Variants in C4BPB observed in about 807,000 individuals in gnomAD.
The protein encoded by C4BPB is C4b-binding protein beta chain.
In C4BPB, 19 loss-of-function variants were observed where a neutral mutation model predicts 26.6. That is an observed-to-expected ratio of 0.71 (90% CI 0.50 to 1.05). C4BPB has a LOEUF of 1.05. Among genes scored for constraint, C4BPB ranks in the 50% least tolerant of loss-of-function variants. C4BPB has a pLI of 0.00. For synonymous variants in C4BPB, 118 were observed against 103.5 expected, an observed-to-expected ratio of 1.14 and a Z score of -0.85; for missense variants, 282 against 302.9, an observed-to-expected ratio of 0.93 and a Z score of 0.51.
chr1:207,096,966 G>A (rs1050314644), intron 5 of C4BPB, among the ~76,000 whole-genome samples: 2 of 152,170 alleles, frequency 1.3e-5, no homozygotes, highest in Non-Finnish European at 2.9e-5. Context: ...GAGGCCAGGA[G>A]ATCAAGACCA....
At position 207,099,962 on chromosome 1, in the gene C4BPB, C is replaced by T; in HGVS notation, c.*33C>T. 1 of 1,566,898 alleles carries T rather than the reference C, an allele frequency of 6.4e-7. No homozygotes were observed. The highest frequency in any genetic ancestry group is 8.6e-7 in the Non-Finnish European group (1 of 1,158,674). On this transcript the variant is annotated 3_prime_UTR_variant, in exon 7 of 7. Coordinates refer to ENST00000367078, the MANE Select transcript of C4BPB (RefSeq NM_001017365.3). Reference sequence around the variant, plus strand: ...GCTGAGCAGATGTAATAGAAATAAACCTATGAATAAATTTTCTTCTTGGTT... The same window carrying T: ...GCTGAGCAGATGTAATAGAAATAAATCTATGAATAAATTTTCTTCTTGGTT...
At chr1:207,095,114 G>A in intron 4 of C4BPB, 1 of 348,300 alleles carries the variant, frequency 2.9e-6, no homozygotes, top group Non-Finnish European at 5.6e-6. Flanking sequence ...CATGTTTAGT[G>A]TCCTGTGGTC....
chr1:207,094,489 T>C lies in C4BPB; in HGVS notation c.410-2033T>C, dbSNP rs73079104. The stretch of plus-strand genomic sequence containing the variant: ...TCATTAGCTTGACACAAGTTTAAAG[T>C]ATTTCCTTATTTCTTCCAAACATTT... On this transcript the variant is annotated intron_variant, in intron 4 of 6. Coordinates refer to ENST00000367078, the MANE Select transcript of C4BPB (RefSeq NM_001017365.3). 5.5e-3 allele frequency among the ~76,000 whole-genome samples: 842 copies of C among 152,298 alleles called. 7 individuals carry two copies. The highest frequency in any genetic ancestry group is 0.018 in the African/African-American group (763 of 41,556).
At chr1:207,098,348 C>A in intron 6 of C4BPB, 84 bp downstream of exon 6, 2 of 842,278 alleles carry the variant, frequency 2.4e-6, no homozygotes, top group Non-Finnish European at 3.9e-6. Context: ...CAGTATATAT[C>A]TGTTTAATGT....
Position 207,098,131 on chromosome 1 carries a change from T to C in C4BPB, c.504-19T>C. ...TTCAGAAAGTGGAAAAGCTAAGCCT[T>C]GTTCTAATTTCTGTTCAGGTACTAC... On this transcript the variant is annotated intron_variant, in intron 5 of 6. Coordinates refer to ENST00000367078, the MANE Select transcript of C4BPB (RefSeq NM_001017365.3). The C allele has an allele frequency of 6.3e-7, 1 of 1,597,232 alleles. No homozygotes were observed.
chr1:207,090,847 A>G (rs1288050868), intron 3 of C4BPB, among the ~76,000 whole-genome samples: 1 of 152,252 alleles, frequency 6.6e-6, no homozygotes, highest in Non-Finnish European at 1.5e-5. Context: ...ATTCACTCAT[A>G]TAGACTCATC....
intron 4 of C4BPB, 151 bp downstream of exon 4, chr1:207,091,971 A>G: frequency 1.6e-6 from 1 of 632,706 alleles, no homozygotes; most frequent in Admixed American, 3.2e-5. Context: ...AGTGGAGCTC[A>G]CAGAACCAAA....
At position 207,099,851 on chromosome 1, in the gene C4BPB, G is replaced by A; in HGVS notation, c.681G>A (p.Lys227=). The change falls in exon 7 of 7, where the codon AAG becomes AAA. Residue 227 remains lysine, a synonymous_variant. Coordinates refer to ENST00000367078, the MANE Select transcript of C4BPB (RefSeq NM_001017365.3). ...TGGAGAACTTTATGCAACAATTAAA[G>A]GAAAGTGGCATGACAATGGAGGAGC... ...EAMENFMQQL[K]ESGMTMEELK... The A allele has an allele frequency of 1.5e-5, 24 of 1,613,876 alleles. No individual in the cohort carries two copies. Among genetic ancestry groups the A allele is most frequent in the Non-Finnish European group, 2.0e-5 (24 of 1,179,772 alleles).
At chr1:207,096,307 G>T (rs1472042764) in intron 4 of C4BPB, 1 of 540,074 alleles carries the variant, frequency 1.9e-6, no homozygotes, top group Non-Finnish European at 3.3e-6. Flanking sequence ...CTGGGGGAAA[G>T]CTCTTTCCCA....
intron 4 of C4BPB, among the ~76,000 whole-genome samples, chr1:207,094,360 C>G (rs1684162982): frequency 6.6e-6 from 1 of 151,718 alleles, no homozygotes; most frequent in Non-Finnish European, 1.5e-5. Context: ...TTTAAGAGCA[C>G]AAACTATATA....
At chr1:207,093,249 A>T (rs573834002) in intron 4 of C4BPB, among the ~76,000 whole-genome samples, 1 of 152,316 alleles carries the variant, frequency 6.6e-6, no homozygotes, top group Non-Finnish European at 1.5e-5. Flanking sequence ...GCCTCCCAGG[A>T]TTTTAAATTC....
At chr1:207,099,747 C>T (rs762984600) in intron 6 of C4BPB, 42 bp from the exon 7 acceptor site, 19 of 1,584,044 alleles carry the variant, frequency 1.2e-5, no homozygotes, top group Non-Finnish European at 1.5e-5. Context: ...AGCTGGGTCT[C>T]AGTCCTTATG....
In C4BPB at chr1:207,099,808, A is replaced by G. The variant is rs1397297574; in HGVS notation, c.638A>G (p.Lys213Arg). The part of the protein sequence containing the change: ...EKALLAFQES[K>R]NLCEAMENFM... ...CTTCAGCTTGCCTTTCAGGAGAGTA[A>G]GAACCTCTGCGAAGCCATGGAGAAC... The change falls in exon 7 of 7, where the codon AAG becomes AGG. Residue 213 changes from lysine to arginine, a missense_variant. Physicochemically the swap from Lys to Arg is conservative, Grantham distance 26. Coordinates refer to ENST00000367078, the MANE Select transcript of C4BPB (RefSeq NM_001017365.3). The G allele has an allele frequency of 6.2e-7, 1 of 1,613,484 alleles. No individual in the cohort carries two copies. The highest frequency in any genetic ancestry group is 1.1e-5 in the South Asian group (1 of 90,940).
rs535584743 is a variant in C4BPB, at chr1:207,094,309, TA to T, written c.410-2200del. On this transcript the variant is annotated intron_variant, in intron 4 of 6. Coordinates refer to ENST00000367078, the MANE Select transcript of C4BPB (RefSeq NM_001017365.3). ...TAGACAACACAGTGAGGCCTGTCTC[TA>T]AAAAAAAAAAAATGAAAAAGAAATA... Among the ~76,000 whole-genome samples, 1,235 of 138,622 alleles carry T rather than the reference TA, an allele frequency of 8.9e-3. 4 individuals carry two copies. Among genetic ancestry groups the T allele is most frequent in the African/African-American group, 0.02 (741 of 37,892 alleles). The allele number at this position is 138,622 out of a possible 152,430, so 90.9% of individuals were successfully genotyped here.
intron 2 of C4BPB, 29 bp from the exon 3 acceptor site, chr1:207,090,279 A>G (rs1683973835): frequency 3.8e-6 from 6 of 1,567,732 alleles, no homozygotes; most frequent in African/African-American, 1.4e-5. Context: ...ATGATATGCC[A>G]AGTGAATCTG....
chr1:207,094,736 C>A (rs768906082), intron 4 of C4BPB, among the ~76,000 whole-genome samples: 1 of 152,208 alleles, frequency 6.6e-6, no homozygotes, highest in African/African-American at 2.4e-5. Context: ...ATCCCCCAAA[C>A]AACTCCTGGA....
Position 207,098,228 on chromosome 1 carries a change from C to T in C4BPB, c.582C>T (p.Ile194=), listed in dbSNP as rs780272526. Residue 194 remains isoleucine, a synonymous_variant, in exon 6 of 7, where the codon ATC becomes ATT. Coordinates refer to ENST00000367078, the MANE Select transcript of C4BPB (RefSeq NM_001017365.3). ...GTGCACTTCCAGTCTGCAAGTTGAT[C>T]CAGGAAGCTCCCAAACCAGAGTGTG... ...WSSALPVCKL[I]QEAPKPECEK... 6 of 1,613,770 alleles carry T rather than the reference C, an allele frequency of 3.7e-6. No homozygotes were observed. The Admixed American group carries it at 1.0e-4, about 27-fold the overall frequency.
At chr1:207,099,174 G>C (rs1365179314) in intron 6 of C4BPB, among the ~76,000 whole-genome samples, 1 of 151,958 alleles carries the variant, frequency 6.6e-6, no homozygotes, top group Non-Finnish European at 1.5e-5. Context: ...GGGAGTGATG[G>C]GAGACAGTGA....
chr1:207,090,807 T>G (rs1683997035), intron 3 of C4BPB, among the ~76,000 whole-genome samples: 1 of 152,242 alleles, frequency 6.6e-6, no homozygotes, highest in South Asian at 2.1e-4. Context: ...ATGGAAAATT[T>G]AAAATGTATA....
Sources: gnomAD v4.1 joint callset for allele counts (sites outside exome capture counted in the v4.1 genomes callset) on GRCh38, gnomAD v4.1.1 for gene constraint, MANE v1.5 for transcripts, NCBI Gene and HGNC (gene_info 2026-07-23, HGNC 2026-07-21) for gene names.